Variants in DLGAP2 observed in about 807,000 individuals in gnomAD.
DLGAP2 encodes disks large-associated protein 2.
DLGAP2 carries 26 observed loss-of-function variants against 100.3 expected under a neutral mutation model. The ratio of observed to expected loss-of-function variants is 0.26; its 90% CI spans 0.19 to 0.36. The LOEUF (loss-of-function observed/expected upper bound fraction) is 0.36, where lower values mean the gene tolerates loss of function less well. Ranked by LOEUF, DLGAP2 falls within the 10% of genes least tolerant of loss-of-function variation. DLGAP2 has a pLI of 1.00. For missense variants in DLGAP2, 1,858 were observed against 1,453.2 expected, an observed-to-expected ratio of 1.28 and a Z score of -4.53; for synonymous variants, 886 against 630.1, an observed-to-expected ratio of 1.41 and a Z score of -6.08.
At chr8:1,057,274 A>C (rs781161092) in intron 2 of DLGAP2, among the ~76,000 whole-genome samples, 3 of 152,228 alleles carry the variant, frequency 2.0e-5, no homozygotes, top group African/African-American at 2.4e-5. Flanking sequence ...GCACAGGTAA[A>C]TTTAATTACC....
intron 2 of DLGAP2, among the ~76,000 whole-genome samples, chr8:986,750 C>G (rs1800499067): frequency 1.3e-5 from 2 of 151,574 alleles, no homozygotes; most frequent in South Asian, 2.1e-4. Flanking sequence ...ACCTGCTTCT[C>G]CCAGGTTCAA....
chr8:1,288,539 AGTGTGT>A (rs1166851174), intron 3 of DLGAP2, among the ~76,000 whole-genome samples: 3 of 27,880 alleles, frequency 1.1e-4, no homozygotes, highest in African/African-American at 8.2e-4. Flanking sequence ...GTTTCAGTTG[AGTGTGT>A]GTGTGTGTGT....
intron 6 of DLGAP2, among the ~76,000 whole-genome samples, chr8:1,626,089 A>G (rs111471186): frequency 3.3e-4 from 36 of 108,430 alleles, no homozygotes; most frequent in Admixed American, 4.9e-4. Context: ...GCGGGTGCTC[A>G]GCCTCTGGGT....
chr8:1,587,258 G>A (rs1796148607), intron 6 of DLGAP2, among the ~76,000 whole-genome samples: 1 of 152,180 alleles, frequency 6.6e-6, no homozygotes, highest in Non-Finnish European at 1.5e-5. Flanking sequence ...TTTCTTAGGA[G>A]ATTTTTATAG....
At chr8:968,431 G>A (rs548498177) in intron 2 of DLGAP2, among the ~76,000 whole-genome samples, 11 of 152,164 alleles carry the variant, frequency 7.2e-5, no homozygotes, top group Non-Finnish European at 1.3e-4. Flanking sequence ...GAAGTCCACA[G>A]GGAGGAACTC....
chr8:770,915 A>G (rs114067531), intron 1 of DLGAP2, among the ~76,000 whole-genome samples: 1 of 151,638 alleles, frequency 6.6e-6, no homozygotes, highest in Non-Finnish European at 1.5e-5. Flanking sequence ...GGATGGAAAA[A>G]ATTTTTCACT....
intron 3 of DLGAP2, among the ~76,000 whole-genome samples, chr8:1,474,954 G>A (rs565594066): frequency 5.3e-5 from 8 of 152,220 alleles, no homozygotes; most frequent in African/African-American, 9.6e-5. Context: ...AGCACTATTC[G>A]CAACAGGAAA....
intron 3 of DLGAP2, among the ~76,000 whole-genome samples, chr8:1,494,588 G>A (rs1323783974): frequency 2.0e-5 from 3 of 152,142 alleles, no homozygotes; most frequent in African/African-American, 7.2e-5. Context: ...AATTAGCCGA[G>A]CGTGGTGTCA....
At chr8:1,050,944 G>A (rs529750085) in intron 2 of DLGAP2, among the ~76,000 whole-genome samples, 2 of 151,360 alleles carry the variant, frequency 1.3e-5, no homozygotes, top group South Asian at 4.2e-4. Context: ...CGTGGGTGGG[G>A]GGTCATTTTG....
intron 3 of DLGAP2, chr8:1,368,512 C>T (rs1802163536): frequency 6.6e-6 from 1 of 152,076 alleles, no homozygotes; most frequent in Non-Finnish European, 1.5e-5. Flanking sequence ...AGGTCTATCA[C>T]AGTAAATATT....
At chr8:1,298,177 A>C (rs1288339805) in intron 3 of DLGAP2, among the ~76,000 whole-genome samples, 1 of 152,076 alleles carries the variant, frequency 6.6e-6, no homozygotes, top group Non-Finnish European at 1.5e-5. Flanking sequence ...GAACGGAGAA[A>C]TGTGGCGTGC....
intron 3 of DLGAP2, among the ~76,000 whole-genome samples, chr8:1,292,894 G>A (rs1410437826): frequency 6.6e-6 from 1 of 152,102 alleles, no homozygotes; most frequent in Non-Finnish European, 1.5e-5. Context: ...CCCCGTGCGT[G>A]GGTCAGGGTC....
At chr8:1,019,185 C>G (rs550916038) in intron 2 of DLGAP2, 3 of 152,272 alleles carry the variant, frequency 2.0e-5, no homozygotes, top group African/African-American at 7.2e-5. Context: ...GTGTGAACAG[C>G]TTTCACACTT....
At chr8:1,101,268 C>T (rs571445512) in intron 2 of DLGAP2, among the ~76,000 whole-genome samples, 19 of 152,206 alleles carry the variant, frequency 1.2e-4, no homozygotes, top group Non-Finnish European at 4.4e-5. Context: ...GCTCACTCAC[C>T]AACACAGGGT....
intron 6 of DLGAP2, among the ~76,000 whole-genome samples, chr8:1,599,490 G>C (rs1333209755): frequency 1.3e-5 from 2 of 152,186 alleles, no homozygotes; most frequent in African/African-American, 4.8e-5. Context: ...TTGTATGGGA[G>C]TCTAAGTCTC....
chr8:1,044,574 C>T (rs765185139), intron 2 of DLGAP2, among the ~76,000 whole-genome samples: 1 of 152,224 alleles, frequency 6.6e-6, no homozygotes, highest in Non-Finnish European at 1.5e-5. Context: ...TGGCAGGACA[C>T]GACGTCTCTC....
At chr8:818,482 C>G (rs1324930662) in intron 1 of DLGAP2, among the ~76,000 whole-genome samples, 1 of 152,204 alleles carries the variant, frequency 6.6e-6, no homozygotes, top group African/African-American at 2.4e-5. Flanking sequence ...TTCTGCATTT[C>G]AGGGAGCCTG....
intron 1 of DLGAP2, among the ~76,000 whole-genome samples, chr8:896,690 C>T (rs1798149455): frequency 6.6e-6 from 1 of 152,040 alleles, no homozygotes; most frequent in Admixed American, 6.6e-5. Flanking sequence ...GAGGGCATGG[C>T]AGGAAGGCAC....
chr8:1,208,742 T>C (rs1268948783), intron 2 of DLGAP2, among the ~76,000 whole-genome samples: 2 of 152,066 alleles, frequency 1.3e-5, no homozygotes, highest in African/African-American at 4.8e-5. Context: ...ATCTGATAAA[T>C]GAATTCAGTA....
Sources: gnomAD v4.1 joint callset for allele counts (sites outside exome capture counted in the v4.1 genomes callset) on GRCh38, gnomAD v4.1.1 for gene constraint, MANE v1.5 for transcripts, NCBI Gene and HGNC (gene_info 2026-07-23, HGNC 2026-07-21) for gene names.